BEGAIN: variants seen among roughly 807,000 people sequenced by gnomAD.
BEGAIN encodes the protein brain-enriched guanylate kinase-associated protein.
BEGAIN carries 19 observed loss-of-function variants against 35.8 expected under a neutral mutation model. The observed-to-expected ratio is 0.53, with a 90% CI of 0.37 to 0.78. The LOEUF is 0.78. Among genes scored for constraint, BEGAIN ranks in the 30% least tolerant of loss-of-function variants. The pLI is 0.00. For synonymous variants in BEGAIN, 462 were observed against 388.6 expected (o/e 1.19, Z -2.22); for missense variants, 795 against 853.6 (o/e 0.93, Z 0.85).
At chr14:100,575,772 G>A (rs944467515) in intron 1 of BEGAIN, among the ~76,000 whole-genome samples, 4 of 152,104 alleles carry the variant, frequency 2.6e-5, no homozygotes, top group South Asian at 2.1e-4. Context: ...TTCCCGGGTG[G>A]GGCCACTCTG....
Position 100,537,704 on chromosome 14 carries a change from G to T in BEGAIN, c.*265C>A. The T allele has an allele frequency of 2.2e-6, 1 of 445,522 alleles. No homozygotes were observed. The highest frequency in any genetic ancestry group is 3.9e-6 in the Non-Finnish European group (1 of 254,652). The allele number at this position is 445,522 out of a possible 1,614,324, so 27.6% of individuals were successfully genotyped here. A position where few individuals can be genotyped will look rare whatever the true frequency, so the allele number is the denominator to read the frequency against. On this transcript the variant is annotated 3_prime_UTR_variant, in exon 7 of 7. Coordinates refer to ENST00000554140, the MANE Select transcript of BEGAIN (RefSeq NM_001385089.1). ...AAATAGTTTCGCTTTATAAAAGGGGGGATGCTCCTCTCACATGGGGGAAGG... is the reference window on the plus strand; with the variant it reads ...AAATAGTTTCGCTTTATAAAAGGGGTGATGCTCCTCTCACATGGGGGAAGG...
Position 100,568,786 on chromosome 14 carries a change from C to G in BEGAIN, c.43-847G>C, listed in dbSNP as rs2034944571. ...CCTGCGTGGAGCTGGGGGCGCCGGGCGGGCTCTCTATCACCCGGGAGAGGC... is the reference window on the plus strand; with the variant it reads ...CCTGCGTGGAGCTGGGGGCGCCGGGGGGGCTCTCTATCACCCGGGAGAGGC... On this transcript the variant is annotated intron_variant, in intron 1 of 6. Transcript: ENST00000554140. The surrounding 1 kb of genome is among the most constrained non-coding windows in gnomAD (Gnocchi z 7.5). 1.2e-6 allele frequency: 1 copy of G among 858,082 alleles called. No homozygotes were observed. Among genetic ancestry groups the G allele is most frequent in the African/African-American group, 1.8e-5 (1 of 54,564 alleles). 53.2% of individuals were successfully genotyped at this position (858,082 alleles called of 1,614,324 possible).
Position 100,586,098 on chromosome 14 carries a change from C to T in BEGAIN, c.42+1151G>A, listed in dbSNP as rs570579008. Among the ~76,000 whole-genome samples, 116 of 152,380 alleles carry T rather than the reference C, an allele frequency of 7.6e-4. 2 individuals are homozygous for T. The highest frequency in any genetic ancestry group is 6.6e-3 in the South Asian group (32 of 4,828). On this transcript the variant is annotated intron_variant, in intron 1 of 6. Coordinates refer to ENST00000554140, the MANE Select transcript of BEGAIN (RefSeq NM_001385089.1). The surrounding 1 kb of genome is among the most constrained non-coding windows in gnomAD (Gnocchi z 4.9). The stretch of plus-strand genomic sequence containing the variant: ...GGCCAGTTGCCCCTGCTGGCAAGAC[C>T]AAGGCCAGCCTGGCAGGGCTGCACA...
In BEGAIN at chr14:100,538,299, C is replaced by T. The variant is rs1234875647; in HGVS notation, c.1509G>A (p.Gln503=). The T allele has an allele frequency of 6.5e-7, 1 of 1,541,098 alleles. No homozygotes were observed. The highest frequency in any genetic ancestry group is 2.0e-5 in the Admixed American group (1 of 50,724). The change falls in exon 7 of 7, where the codon CAG becomes CAA. Residue 503 remains glutamine, a synonymous_variant. Transcript: ENST00000554140. The part of the protein sequence containing the change: ...DSFSEGDDLS[Q]GHLAEPCFLR... ...GGAAGCAGGGCTCTGCCAGGTGGCC[C>T]TGGGAGAGGTCGTCCCCCTCGGAGA...
At position 100,555,389 on chromosome 14, in the gene BEGAIN, C is replaced by T. The variant is rs571124397; in HGVS notation, c.72-8727G>A. 4.6e-5 allele frequency among the ~76,000 whole-genome samples: 7 copies of T among 152,376 alleles called. No homozygotes were observed. The South Asian group carries it at 1.4e-3, about 32-fold the overall frequency. Reference sequence around the variant, plus strand: ...CATGGCTCAGAAGAGCCTCTCTGTCCCCTCCAACTTGCTCCTGCTGCGCTG... The same window carrying T: ...CATGGCTCAGAAGAGCCTCTCTGTCTCCTCCAACTTGCTCCTGCTGCGCTG... On this transcript the variant is annotated intron_variant, in intron 2 of 6. Transcript: ENST00000554140.
chr14:100,564,140 G>A, intron 2 of BEGAIN, among the ~76,000 whole-genome samples: 1 of 151,972 alleles, frequency 6.6e-6, no homozygotes, highest in Non-Finnish European at 1.5e-5. Context: ...GGCTGTCTGT[G>A]GGGAAGGGTC....
chr14:100,569,061 C>T, intron 1 of BEGAIN: 2 of 533,304 alleles, frequency 3.8e-6, no homozygotes, highest in Non-Finnish European at 4.8e-6. Context: ...GAAGGCCCGG[C>T]CCCGGGGCCT....
At chr14:100,546,724 C>A (rs1415105318) in intron 2 of BEGAIN, 62 bp from the exon 3 acceptor site, 11 of 1,466,188 alleles carry the variant, frequency 7.5e-6, no homozygotes, top group Non-Finnish European at 9.9e-6. Flanking sequence ...CTAAGGCCCG[C>A]AGGCCAGCCG....
At chr14:100,555,857 C>T (rs945459533) in intron 2 of BEGAIN, among the ~76,000 whole-genome samples, 2 of 152,198 alleles carry the variant, frequency 1.3e-5, no homozygotes, top group Non-Finnish European at 2.9e-5. Context: ...TGGGCAATCC[C>T]GTGGCTGACC....
chr14:100,557,190 C>T (rs76728570), intron 2 of BEGAIN, among the ~76,000 whole-genome samples: 2 of 151,918 alleles, frequency 1.3e-5, no homozygotes, highest in Admixed American at 6.5e-5. Flanking sequence ...AATCCCAGCG[C>T]GGGCTCTGCC....
At position 100,568,619 on chromosome 14, in the gene BEGAIN, G is replaced by A. The variant is rs1468426863; in HGVS notation, c.43-680C>T. 21 of 933,586 alleles carry A rather than the reference G, an allele frequency of 2.2e-5. 2 individuals carry two copies. The highest frequency in any genetic ancestry group is 2.1e-4 in the African/African-American group (12 of 56,740). 57.8% of individuals were successfully genotyped at this position (933,586 alleles called of 1,614,324 possible). A position where few individuals can be genotyped will look rare whatever the true frequency, so the allele number is the denominator to read the frequency against. On this transcript the variant is annotated intron_variant, in intron 1 of 6. Coordinates refer to ENST00000554140, the MANE Select transcript of BEGAIN (RefSeq NM_001385089.1). The surrounding 1 kb of genome is among the most constrained non-coding windows in gnomAD (Gnocchi z 7.5). Reference sequence around the variant, plus strand: ...TGCTTGCGCAGACCCGCCCGCGCGCGGCTTGGAGACCCTCCCTGCCCAGCC... The same window carrying A: ...TGCTTGCGCAGACCCGCCCGCGCGCAGCTTGGAGACCCTCCCTGCCCAGCC...
chr14:100,539,649 C>T (rs148438805), intron 6 of BEGAIN, among the ~76,000 whole-genome samples: 26 of 151,482 alleles, frequency 1.7e-4, no homozygotes, highest in Admixed American at 1.1e-3. Flanking sequence ...CAAGGCTCCA[C>T]CCCCCGCCAC....
At chr14:100,562,121 C>T (rs532389163) in intron 2 of BEGAIN, among the ~76,000 whole-genome samples, 14 of 152,144 alleles carry the variant, frequency 9.2e-5, no homozygotes, top group Admixed American at 7.2e-4. Flanking sequence ...GATCACACTC[C>T]GGGAGGGGTG....
rs1243642444 is a variant in BEGAIN, at chr14:100,539,693, T to C, written c.493-378A>G. ...CACCCATTTTGTGCCCAGCGAGGGG[T>C]TGACTTGCTCTCCCAGGCCCGTGGG... On this transcript the variant is annotated intron_variant, in intron 6 of 6. Transcript: ENST00000554140. 9.4e-5 allele frequency among the ~76,000 whole-genome samples: 10 copies of C among 106,950 alleles called. No individual in the cohort carries two copies. The Admixed American group carries it at 1.0e-3, about 11-fold the overall frequency. 70.2% of individuals were successfully genotyped at this position (106,950 alleles called of 152,430 possible).
intron 4 of BEGAIN, 145 bp from the exon 5 acceptor site, chr14:100,544,110 C>T: frequency 1.6e-6 from 1 of 615,404 alleles, no homozygotes; most frequent in Non-Finnish European, 2.9e-6. Context: ...TTTATGAGCA[C>T]AGACAGACCC....
chr14:100,577,236 C>T, intron 1 of BEGAIN: 2 of 398,486 alleles, frequency 5.0e-6, no homozygotes. Flanking sequence ...GGGGAGGGAA[C>T]TCGGAGCAGG....
intron 1 of BEGAIN, among the ~76,000 whole-genome samples, chr14:100,582,995 A>T (rs2035353931): frequency 6.6e-6 from 1 of 150,620 alleles, no homozygotes; most frequent in Admixed American, 6.7e-5. Flanking sequence ...CACCCATTCA[A>T]CCAACCGTCC....
Position 100,546,562 on chromosome 14 carries a change from G to C in BEGAIN, c.172C>G (p.Leu58Val), listed in dbSNP as rs1470682999. 2.5e-6 allele frequency: 4 copies of C among 1,589,462 alleles called. No homozygotes were observed. Among genetic ancestry groups the C allele is most frequent in the Non-Finnish European group, 3.4e-6 (4 of 1,171,692 alleles). Residue 58 changes from leucine to valine, a missense_variant, in exon 3 of 7, where the codon CTG (leucine) becomes GTG (valine). By Grantham distance (32) the Leu-to-Val change is conservative. Transcript: ENST00000554140. The part of the protein sequence containing the change: ...ETEFDSTRHY[L>V]EIELRRAQEE... ...TGCGCGCGCCGCAGCTCGATCTCCA[G>C]GTAGTGGCGCGTGGAGTCGAACTCG...
intron 1 of BEGAIN, among the ~76,000 whole-genome samples, chr14:100,574,976 G>A (rs1305210712): frequency 6.6e-6 from 1 of 152,176 alleles, no homozygotes; most frequent in African/African-American, 2.4e-5. Flanking sequence ...ATGAGGCTCA[G>A]TCCCAAGTCT....
Sources: allele counts gnomAD v4.1 joint callset (sites outside exome capture counted in the v4.1 genomes callset), GRCh38; gene constraint gnomAD v4.1.1; non-coding constraint Gnocchi (gnomAD v3.1); transcripts MANE v1.5; gene names NCBI Gene and HGNC (gene_info 2026-07-23, HGNC 2026-07-21).